The following GRM7 variants were observed in gnomAD, a reference collection of about 807,000 sequenced individuals.
GRM7 encodes the protein metabotropic glutamate receptor 7.
Under a neutral mutation model 84.5 loss-of-function variants are expected in GRM7, and 35 were observed. The ratio of observed to expected loss-of-function variants is 0.41; its 90% CI spans 0.32 to 0.55. The LOEUF is 0.55. GRM7 is among the 20% of genes least tolerant of loss of function. The pLI, the probability that GRM7 is intolerant of heterozygous loss-of-function variation, is 0.19. For synonymous variants in GRM7, 487 were observed against 455.1 expected, an observed-to-expected ratio of 1.07 and a Z score of -0.89; for missense variants, 1,003 against 1,194.6, an observed-to-expected ratio of 0.84 and a Z score of 2.36.
At chr3:7,002,901 C>G (rs1345048175) in intron 1 of GRM7, among the ~76,000 whole-genome samples, 1 of 152,094 alleles carries the variant, frequency 6.6e-6, no homozygotes, top group Non-Finnish European at 1.5e-5. Flanking sequence ...GAATACTATA[C>G]AGCCTTAAAA....
At chr3:7,508,921 ACT>A (rs1266282901) in intron 7 of GRM7, among the ~76,000 whole-genome samples, 1 of 152,062 alleles carries the variant, frequency 6.6e-6, no homozygotes, top group Non-Finnish European at 1.5e-5. Flanking sequence ...GAAGTTTGGA[ACT>A]CTCTGCTCCA....
At chr3:7,077,427 G>A (rs6790944) in intron 1 of GRM7, among the ~76,000 whole-genome samples, 24,506 of 151,968 alleles carry the variant, frequency 0.16, 3,468 homozygotes, top group African/African-American at 0.39. Context: ...TTTGCAGGAC[G>A]TGGATGAAGC....
intron 1 of GRM7, among the ~76,000 whole-genome samples, chr3:7,118,949 A>T (rs560245235): frequency 6.6e-6 from 1 of 152,246 alleles, no homozygotes; most frequent in African/African-American, 2.4e-5. Flanking sequence ...GCATATCTTG[A>T]CTTGCCTTAA....
intron 4 of GRM7, among the ~76,000 whole-genome samples, chr3:7,335,340 A>G (rs115553815): frequency 0.033 from 4,965 of 152,188 alleles, 156 homozygotes; most frequent in African/African-American, 0.082. Flanking sequence ...ATTTTGATGG[A>G]AATTTAAAAA....
chr3:7,548,695 T>G (rs1693289811), intron 7 of GRM7, among the ~76,000 whole-genome samples: 2 of 152,182 alleles, frequency 1.3e-5, no homozygotes, highest in South Asian at 4.1e-4. Flanking sequence ...TACCTCCCAT[T>G]TATCTAACTC....
intron 4 of GRM7, among the ~76,000 whole-genome samples, chr3:7,356,135 G>T (rs569499531): frequency 6.6e-6 from 1 of 152,212 alleles, no homozygotes; most frequent in East Asian, 1.9e-4. Flanking sequence ...TGTAGCTAAT[G>T]CTTTAGCTGG....
intron 4 of GRM7, among the ~76,000 whole-genome samples, chr3:7,399,011 A>T (rs1016742383): frequency 1.3e-4 from 19 of 151,600 alleles, no homozygotes; most frequent in African/African-American, 4.4e-4. Flanking sequence ...TTCTTTATAT[A>T]TTTTCTATTG....
At chr3:7,546,933 A>T (rs1159108218) in intron 7 of GRM7, among the ~76,000 whole-genome samples, 1 of 152,140 alleles carries the variant, frequency 6.6e-6, no homozygotes, top group East Asian at 1.9e-4. Flanking sequence ...TTGCCAGTTG[A>T]GTTATACTCT....
chr3:7,687,178 C>T (rs1700619700), intron 9 of GRM7, among the ~76,000 whole-genome samples: 1 of 151,976 alleles, frequency 6.6e-6, no homozygotes, highest in Non-Finnish European at 1.5e-5. Flanking sequence ...ATTGGTTATA[C>T]CCAAGAAATA....
intron 2 of GRM7, among the ~76,000 whole-genome samples, chr3:7,203,948 TAGTC>T (rs1696149831): frequency 2.0e-5 from 3 of 152,112 alleles, no homozygotes; most frequent in South Asian, 2.1e-4. Flanking sequence ...AGTACAGAAA[TAGTC>T]AGTTATATGG....
At chr3:7,633,708 A>C (rs555374459) in intron 8 of GRM7, among the ~76,000 whole-genome samples, 1 of 152,072 alleles carries the variant, frequency 6.6e-6, no homozygotes, top group Admixed American at 6.5e-5. Flanking sequence ...TAATAACAAA[A>C]ATTTCCAAAG....
intron 2 of GRM7, among the ~76,000 whole-genome samples, chr3:7,214,114 C>CAAAAAAA (rs34038958): frequency 1.6e-5 from 2 of 126,602 alleles, no homozygotes; most frequent in Non-Finnish European, 1.7e-5. Context: ...ACTAATCAGC[C>CAAAAAAA]AAAAAAAAAA....
intron 2 of GRM7, among the ~76,000 whole-genome samples, chr3:7,210,801 GT>G (rs4054224): frequency 0.27 from 39,534 of 145,412 alleles, 6,121 homozygotes; most frequent in African/African-American, 0.42. Context: ...GCTGTGTATT[GT>G]TTTTTTTTTT....
At chr3:7,618,891 T>A (rs986593618) in intron 8 of GRM7, among the ~76,000 whole-genome samples, 14 of 152,148 alleles carry the variant, frequency 9.2e-5, no homozygotes, top group African/African-American at 9.7e-5. Context: ...ACTGCTAGAC[T>A]GTTAGAAGAA....
intron 4 of GRM7, among the ~76,000 whole-genome samples, chr3:7,381,941 G>A (rs1027503122): frequency 2.0e-5 from 3 of 151,984 alleles, no homozygotes; most frequent in Admixed American, 2.0e-4. Context: ...TTATGTGTGT[G>A]CATTTATTTC....
intron 1 of GRM7, among the ~76,000 whole-genome samples, chr3:7,001,811 T>A (rs895126467): frequency 6.6e-6 from 1 of 152,220 alleles, no homozygotes; most frequent in Non-Finnish European, 1.5e-5. Context: ...TTGGCAGCCC[T>A]GCATCAAATT....
chr3:7,560,257 C>CA (rs1324549365), intron 7 of GRM7: 2 of 152,038 alleles, frequency 1.3e-5, no homozygotes, highest in Non-Finnish European at 2.9e-5. Context: ...TGTCTACATA[C>CA]AAAAAAGGAA....
At chr3:6,898,232 G>A (rs1261083181) in intron 1 of GRM7, among the ~76,000 whole-genome samples, 1 of 152,174 alleles carries the variant, frequency 6.6e-6, no homozygotes, top group Non-Finnish European at 1.5e-5. Flanking sequence ...AGAGAGACAA[G>A]TAGTTAGTGC....
chr3:7,172,206 A>T (rs957069059), intron 2 of GRM7, among the ~76,000 whole-genome samples: 4 of 151,756 alleles, frequency 2.6e-5, no homozygotes, highest in African/African-American at 9.7e-5. Flanking sequence ...TTATATGATA[A>T]TTTTTTTTTA....
Sources: allele counts gnomAD v4.1 joint callset (sites outside exome capture counted in the v4.1 genomes callset), GRCh38; gene constraint gnomAD v4.1.1; transcripts MANE v1.5; gene names NCBI Gene and HGNC (gene_info 2026-07-23, HGNC 2026-07-21).